The following FAT1 variants were observed in gnomAD, a reference collection of about 807,000 sequenced individuals.
FAT1 encodes FAT atypical cadherin 1, also known as protocadherin Fat 1.
A neutral mutation model predicts 329.8 loss-of-function variants in FAT1; 171 were observed. The ratio of observed to expected loss-of-function variants is 0.52; its 90% confidence interval spans 0.46 to 0.59. The LOEUF is 0.59. Ranked by LOEUF, FAT1 falls within the 20% of genes least tolerant of loss-of-function variation. The probability of loss-of-function intolerance (pLI) is 0.00; values close to 1 mark genes in which losing one functional copy is unlikely to be tolerated. For synonymous variants in FAT1, 2,233 were observed against 2,228.6 expected (o/e 1.00, Z -0.06); for missense variants, 5,672 against 5,774.4 (o/e 0.98, Z 0.57).
Position 186,642,452 on chromosome 4 carries a change from C to T in FAT1, c.3581-2669G>A, listed in dbSNP as rs536545500. Among the ~76,000 whole-genome samples the T allele has an allele frequency of 2.0e-4, 30 of 152,292 alleles. No individual in the cohort carries two copies. The South Asian group carries it at 3.5e-3, about 18-fold the overall frequency. On this transcript the variant is annotated intron_variant, in intron 3 of 26. Transcript: ENST00000441802. ...CCGTCATCCTCAAGAAACACTTAAA[C>T]GTGTGAACATGTGAATTTCTTAAAA...
chr4:186,713,724 C>T (rs372769255), intron 1 of FAT1, among the ~76,000 whole-genome samples: 3 of 152,150 alleles, frequency 2.0e-5, no homozygotes, highest in Admixed American at 6.5e-5. Context: ...GGCGCGATCA[C>T]GGCTCACTGA....
chr4:186,658,344 C>A (rs1269244815), intron 3 of FAT1, among the ~76,000 whole-genome samples: 5 of 152,118 alleles, frequency 3.3e-5, no homozygotes, highest in African/African-American at 1.2e-4. Flanking sequence ...CAAAAAAGTT[C>A]ACTCAAACTT....
Position 186,602,905 on chromosome 4 carries a change from G to C in FAT1, c.11480C>G (p.Pro3827Arg), listed in dbSNP as rs1212871304. 6.2e-7 allele frequency: 1 copy of C among 1,613,550 alleles called. No homozygotes were observed. Among genetic ancestry groups the C allele is most frequent in the Admixed American group, 1.7e-5 (1 of 59,974 alleles). ...ATACCCAACCATTCAACTCTCACCTGGGCACTGACCAAACCTGCCGCTGGG... is the reference window on the plus strand; with the variant it reads ...ATACCCAACCATTCAACTCTCACCTCGGCACTGACCAAACCTGCCGCTGGG... ...VCPSGRFGQC[P>R]GSSSMTLTGN... is the part of the protein sequence containing the mutation. Residue 3827 changes from proline (P) to arginine (R), a missense_variant and splice_region_variant, in exon 20 of 27, where the codon CCA (proline) becomes CGA (arginine). By Grantham distance (103) the Pro-to-Arg change is moderately radical (BLOSUM62 -2). This residue lies in a region of FAT1 where 1,706 missense variants were observed against 1,859.1 expected (regional missense o/e 0.92). Coordinates refer to ENST00000441802, the MANE Select transcript of FAT1 (RefSeq NM_005245.4).
chr4:186,692,315 A>AT (rs1403014425), intron 2 of FAT1, among the ~76,000 whole-genome samples: 18 of 148,562 alleles, frequency 1.2e-4, no homozygotes, highest in African/African-American at 4.6e-4. Flanking sequence ...TTATTTATTT[A>AT]TTTATTTATT....
intron 3 of FAT1, among the ~76,000 whole-genome samples, chr4:186,660,826 C>T (rs1321166214): frequency 6.6e-6 from 1 of 152,104 alleles, no homozygotes; most frequent in Non-Finnish European, 1.5e-5. Context: ...CCAGGAAGAA[C>T]CAAGGGTTTT....
intron 7 of FAT1, among the ~76,000 whole-genome samples, chr4:186,631,438 C>G (rs899775205): frequency 6.6e-6 from 1 of 151,162 alleles, no homozygotes; most frequent in Non-Finnish European, 1.5e-5. Flanking sequence ...ATCCTAGTGT[C>G]TCACCGTCCA....
intron 2 of FAT1, among the ~76,000 whole-genome samples, chr4:186,677,300 A>C (rs184038882): frequency 1.5e-4 from 23 of 152,308 alleles, no homozygotes; most frequent in African/African-American, 5.5e-4. Context: ...ATTCACGGAC[A>C]CTGATAACCT....
chr4:186,678,895 A>G (rs1156260824), intron 2 of FAT1, among the ~76,000 whole-genome samples: 3 of 152,282 alleles, frequency 2.0e-5, no homozygotes, highest in East Asian at 3.9e-4. Context: ...ACATGCACAT[A>G]TATGTTTACT....
At chr4:186,725,070 C>T (rs1328300759), upstream of FAT1, among the ~76,000 whole-genome samples, 3 of 152,062 alleles carry the variant, frequency 2.0e-5, no homozygotes, top group African/African-American at 7.2e-5. This position sits in a 1 kb window ranked among gnomAD's most constrained non-coding sequence, Gnocchi z 5.4. Context: ...CGATTCGTAG[C>T]CCTATATTCC....
upstream of FAT1, among the ~76,000 whole-genome samples, chr4:186,725,902 T>A (rs1745702810): frequency 6.6e-6 from 1 of 151,890 alleles, no homozygotes; most frequent in Non-Finnish European, 1.5e-5. This position sits in a 1 kb window ranked among gnomAD's most constrained non-coding sequence, Gnocchi z 5.4. Flanking sequence ...CCCGGGTGGG[T>A]GGTCAGTGAA....
At chr4:186,666,021 C>A (rs1176240365) in intron 2 of FAT1, among the ~76,000 whole-genome samples, 2 of 126,434 alleles carry the variant, frequency 1.6e-5, no homozygotes, top group African/African-American at 6.3e-5. Context: ...GAACATCACA[C>A]ACCGGGGCCT....
In FAT1 at chr4:186,603,394, A is replaced by T. The variant is rs778030440; in HGVS notation, c.11132T>A (p.Leu3711His). Residue 3711 changes from leucine (L) to histidine (H), a missense_variant, in exon 19 of 27, where the codon CTT becomes CAT. Coordinates refer to ENST00000441802, the MANE Select transcript of FAT1 (RefSeq NM_005245.4). Reference sequence around the variant, plus strand: ...CACGGAAGAGTTAATCTTGTGCAGAAGTTGTTTTGTTGAGATCTGAGCACT... The same window carrying T: ...CACGGAAGAGTTAATCTTGTGCAGATGTTGTTTTGTTGAGATCTGAGCACT... ...PGSAQISTKQ[L>H]LHKINSSVTD... 1.2e-6 allele frequency: 2 copies of T among 1,614,000 alleles called. No individual in the cohort carries two copies. Among genetic ancestry groups the T allele is most frequent in the Middle Eastern group, 1.6e-4 (1 of 6,062 alleles).
In FAT1 at chr4:186,600,229, G is replaced by A. The variant is rs2126413833; in HGVS notation, c.11772C>T (p.Arg3924=). The change falls in exon 22 of 27, where the codon CGC becomes CGT. Residue 3924 remains arginine (R), a synonymous_variant. Coordinates refer to ENST00000441802, the MANE Select transcript of FAT1 (RefSeq NM_005245.4). Reference sequence around the variant, plus strand: ...CAGTATGAACTTGGTCTAGAACCAAGCGAGCATAGTTTCCATTCACTTCCA... The same window carrying A: ...CAGTATGAACTTGGTCTAGAACCAAACGAGCATAGTTTCCATTCACTTCCA... ...VALEVNGNYA[R]LVLDQVHTAS... is the part of the protein sequence containing the mutation. The A allele has an allele frequency of 6.2e-7, 1 of 1,614,040 alleles. No individual in the cohort carries two copies.
At chr4:186,658,014 T>G (rs1241685638) in intron 3 of FAT1, among the ~76,000 whole-genome samples, 7 of 152,236 alleles carry the variant, frequency 4.6e-5, no homozygotes, top group Non-Finnish European at 8.8e-5. Flanking sequence ...GCGCTGCAGC[T>G]GCCAAGGCTC....
chr4:186,686,597 C>T (rs754721220), intron 2 of FAT1, among the ~76,000 whole-genome samples: 34 of 152,080 alleles, frequency 2.2e-4, no homozygotes, highest in Non-Finnish European at 2.1e-4. Context: ...GTTTGCTTAG[C>T]GCTGTTTTTT....
chr4:186,628,118 G>A (rs1340126871), intron 9 of FAT1, 36 bp downstream of exon 9: 1 of 1,594,522 alleles, frequency 6.3e-7, no homozygotes, highest in Non-Finnish European at 8.6e-7. Context: ...TTTAACAACT[G>A]CAAATTTAAA....
In FAT1 at chr4:186,639,654, A is replaced by G. The variant is rs552627914; in HGVS notation, c.3642+68T>C. 23 of 1,068,926 alleles carry G rather than the reference A, an allele frequency of 2.2e-5. No individual in the cohort carries two copies. In the African/African-American group the frequency reaches 3.5e-4, roughly 16 times the overall value. The allele number at this position is 1,068,926 out of a possible 1,614,324, so 66.2% of individuals were successfully genotyped here. A position where few individuals can be genotyped will look rare whatever the true frequency, so the allele number is the denominator to read the frequency against. ...CTAAGAATACTGGTTAATGGGAACA[A>G]GATTGTTCTTTCCCATGATACTTGT... is the stretch of plus-strand genomic sequence containing the variant. On this transcript the variant is annotated intron_variant, in intron 4 of 26. Coordinates refer to ENST00000441802, the MANE Select transcript of FAT1 (RefSeq NM_005245.4).
At position 186,609,824 on chromosome 4, in the gene FAT1, C is replaced by T. The variant is rs376075512; in HGVS notation, c.10045G>A (p.Val3349Ile). 2.5e-5 allele frequency: 40 copies of T among 1,612,732 alleles called. No homozygotes were observed. In the African/African-American group the frequency reaches 2.5e-4, roughly 10 times the overall value. The change falls in exon 15 of 27, where the codon GTT (valine) becomes ATT (isoleucine). Residue 3349 changes from valine to isoleucine, a missense_variant. Val to Ile is a conservative substitution (Grantham distance 29). Coordinates refer to ENST00000441802, the MANE Select transcript of FAT1 (RefSeq NM_005245.4). Reference sequence around the variant, plus strand: ...ACCGTGATGACAGACTGCTCAAGAACGGCATCTTCACTGATGACTGTCGTG... The same window carrying T: ...ACCGTGATGACAGACTGCTCAAGAATGGCATCTTCACTGATGACTGTCGTG... Reference protein sequence around the residue: ...TYTTVISEDAVLEQSVITVMA... With the variant: ...TYTTVISEDAILEQSVITVMA...
rs112832135 is a variant in FAT1 at position 186,703,155 on chromosome 4, C to T, written c.3265+3408G>A. Among the ~76,000 whole-genome samples the T allele has an allele frequency of 6.9e-3, 1,046 of 152,240 alleles. 12 individuals are homozygous for T. Among genetic ancestry groups the T allele is most frequent in the African/African-American group, 0.024 (1,000 of 41,534 alleles). ...CCTCTCCAGGAAGGGCAGATGATAC[C>T]GTGAGACCTGCAGAGTCCACGCCCG... On this transcript the variant is annotated intron_variant, in intron 2 of 26. Coordinates refer to ENST00000441802, the MANE Select transcript of FAT1 (RefSeq NM_005245.4).
Sources: gnomAD v4.1 joint callset for allele counts (sites outside exome capture counted in the v4.1 genomes callset) on GRCh38, gnomAD v4.1.1 for gene constraint, gnomAD v4.1.1 regional missense constraint, Gnocchi (gnomAD v3.1) non-coding constraint, MANE v1.5 for transcripts, NCBI Gene and HGNC (gene_info 2026-07-23, HGNC 2026-07-21) for gene names.